DNAJC27: variants seen among roughly 807,000 people sequenced by gnomAD.
DNAJC27 encodes DnaJ heat shock protein family (Hsp40) member C27, also known as dnaJ homolog subfamily C member 27.
A neutral mutation model predicts 31.4 loss-of-function variants in DNAJC27; 25 were observed. That is an observed-to-expected ratio of 0.80 (90% CI 0.58 to 1.11). The LOEUF (loss-of-function observed/expected upper bound fraction) is 1.11, where lower values mean the gene tolerates loss of function less well. DNAJC27 is among the 50% of genes most tolerant of loss of function. DNAJC27 has a pLI of 0.00. For missense variants in DNAJC27, 356 were observed against 347.3 expected (o/e 1.02, Z -0.20); for synonymous variants, 106 against 112.7 (o/e 0.94, Z 0.37).
At chr2:24,959,048 A>G (rs1490778412) in intron 3 of DNAJC27, among the ~76,000 whole-genome samples, 1 of 152,226 alleles carries the variant, frequency 6.6e-6, no homozygotes, top group African/African-American at 2.4e-5. Flanking sequence ...GAAACCTAAG[A>G]AGCTATCCCC....
intron 5 of DNAJC27, among the ~76,000 whole-genome samples, chr2:24,953,016 G>T (rs569769167): frequency 5.7e-4 from 87 of 152,034 alleles, no homozygotes; most frequent in Non-Finnish European, 9.4e-4. Flanking sequence ...CTCCTGAGCA[G>T]CTGGGATTAC....
chr2:24,956,435 C>T (rs1665905776), intron 5 of DNAJC27, among the ~76,000 whole-genome samples: 1 of 152,148 alleles, frequency 6.6e-6, no homozygotes. Context: ...GCGCCTCCCT[C>T]TATTTCCTGC....
In DNAJC27 at chr2:24,957,952, T is replaced by C. The variant is rs1665948396; in HGVS notation, c.263A>G (p.Asp88Gly). ...ATAGACCAGTATCACACCCTGTGTG[T>C]CCTTGTAAAACTCATTTCGAACCTT... ...FYEVRNEFYK[D>G]TQGVILVYDV... Residue 88 changes from aspartate (D) to glycine (G), a missense_variant, in exon 4 of 7, where the codon GAC becomes GGC. By Grantham distance (94) the Asp-to-Gly change is moderately conservative. Transcript: ENST00000264711. 6.2e-7 allele frequency: 1 copy of C among 1,612,350 alleles called. No homozygotes were observed. The highest frequency in any genetic ancestry group is 1.7e-5 in the Admixed American group (1 of 59,600).
At chr2:24,953,909 C>A (rs1378649289) in intron 5 of DNAJC27, among the ~76,000 whole-genome samples, 1 of 152,154 alleles carries the variant, frequency 6.6e-6, no homozygotes, top group East Asian at 1.9e-4. Context: ...AGACTTCCTG[C>A]CATCAACTAC....
chr2:24,963,512 A>G, intron 2 of DNAJC27, 38 bp from the exon 3 acceptor site: 1 of 1,539,542 alleles, frequency 6.5e-7, no homozygotes, highest in Non-Finnish European at 9.0e-7. Flanking sequence ...AAAGAAAGTC[A>G]TGGTTTCTCC....
At chr2:24,960,479 C>A (rs973389280) in intron 3 of DNAJC27, among the ~76,000 whole-genome samples, 2 of 152,110 alleles carry the variant, frequency 1.3e-5, no homozygotes, top group African/African-American at 4.8e-5. Flanking sequence ...TAAATCAAAA[C>A]CTTTAAATGA....
At chr2:24,972,047 G>A (rs759500264), upstream of DNAJC27, 72 of 604,186 alleles carry the variant, frequency 1.2e-4, no homozygotes, top group Non-Finnish European at 1.7e-4. Flanking sequence ...CCGCTGCCTG[G>A]CAGCAGGCGC....
intron 3 of DNAJC27, 41 bp from the exon 4 acceptor site, chr2:24,958,015 GATGTT>G (rs781464483): frequency 2.5e-6 from 4 of 1,580,690 alleles, no homozygotes; most frequent in Non-Finnish European, 3.5e-6. Context: ...TAGTTTTTGT[GATGTT>G]ATAAGAATGT....
At chr2:24,950,589 G>A (rs114577122) in intron 6 of DNAJC27, among the ~76,000 whole-genome samples, 13,292 of 152,190 alleles carry the variant, frequency 0.087, 717 homozygotes, top group South Asian at 0.19. Context: ...GCTCACGCCC[G>A]TAATCCCAGT....
intron 1 of DNAJC27, among the ~76,000 whole-genome samples, chr2:24,968,781 G>A (rs911760575): frequency 1.3e-5 from 2 of 151,960 alleles, no homozygotes; most frequent in Non-Finnish European, 2.9e-5. Flanking sequence ...ATTTCCTTAC[G>A]TATCTGGGTT....
At chr2:24,962,221 G>GT (rs915729370) in intron 3 of DNAJC27, among the ~76,000 whole-genome samples, 1,775 of 17,032 alleles carry the variant, frequency 0.1, 13 homozygotes, top group Non-Finnish European at 0.18. Context: ...TTTTTCTTTT[G>GT]TTTTTTTTTG....
In DNAJC27 at chr2:24,967,223, T is replaced by C. The variant is rs369205432; in HGVS notation, c.158A>G (p.Tyr53Cys). 32 of 1,612,968 alleles carry C rather than the reference T, an allele frequency of 2.0e-5. No homozygotes were observed. The highest frequency in any genetic ancestry group is 1.6e-4 in the Middle Eastern group (1 of 6,082). Residue 53 changes from tyrosine (Y) to cysteine (C), a missense_variant, in exon 2 of 7, where the codon TAT becomes TGT. Tyr to Cys is a radical substitution (Grantham distance 194). Coordinates refer to ENST00000264711, the MANE Select transcript of DNAJC27 (RefSeq NM_016544.3). ...ACAATATACTTACTTTGTGACTCCA[T>C]AGTCAATTCCAATTGTTGCCAGGTA... ...SKYLATIGID[Y>C]GVTKVHVRDR... is the part of the protein sequence containing the mutation.
rs1665611464 is a variant in DNAJC27, at chr2:24,944,930, T to G, written c.*2686A>C. 1 of 152,674 alleles carries G rather than the reference T, an allele frequency of 6.5e-6. No homozygotes were observed. Among genetic ancestry groups the G allele is most frequent in the Non-Finnish European group, 1.5e-5 (1 of 68,046 alleles). 9.5% of individuals were successfully genotyped at this position (152,674 alleles called of 1,614,324 possible). ...CTTTAATAATAGCTATTCAAACTTT[T>G]TATTCTTTTTTGAAAAACAAGATTC... On this transcript the variant is annotated 3_prime_UTR_variant, in exon 7 of 7. Transcript: ENST00000264711.
intron 5 of DNAJC27, chr2:24,953,684 G>T: frequency 4.3e-6 from 1 of 233,476 alleles, no homozygotes; most frequent in Non-Finnish European, 7.0e-6. Flanking sequence ...ACGGATGTTT[G>T]CTAGTTGTGT....
intron 6 of DNAJC27, among the ~76,000 whole-genome samples, chr2:24,950,821 G>A (rs1159725294): frequency 1.3e-5 from 2 of 151,742 alleles, no homozygotes; most frequent in South Asian, 2.1e-4. Flanking sequence ...CACTCCAGCC[G>A]GGGTGATAAG....
At chr2:24,963,105 T>A in intron 3 of DNAJC27, 1 of 256,978 alleles carries the variant, frequency 3.9e-6, no homozygotes, top group Non-Finnish European at 7.4e-6. Flanking sequence ...AATGTAATTA[T>A]TTTTTTTTTC....
intron 6 of DNAJC27, among the ~76,000 whole-genome samples, chr2:24,948,957 A>G (rs1665706121): frequency 6.6e-6 from 1 of 152,158 alleles, no homozygotes; most frequent in African/African-American, 2.4e-5. Context: ...TCCAAGTCAG[A>G]TGGCCTTTGA....
At position 24,957,146 on chromosome 2, in the gene DNAJC27, C is replaced by G; in HGVS notation, c.425G>C (p.Arg142Pro). ...ACGTCCTTCACTTTCATCTACACAG[C>G]GATGTTTGGTACAATCAATCTGAAA... ...CANKIDCTKH[R>P]CVDESEGRLW... Residue 142 changes from arginine (R) to proline (P), a missense_variant, in exon 5 of 7, where the codon CGC (arginine) becomes CCC (proline). By Grantham distance (103) the Arg-to-Pro change is moderately radical. Transcript: ENST00000264711. The G allele has an allele frequency of 6.2e-7, 1 of 1,604,510 alleles. No homozygotes were observed. The highest frequency in any genetic ancestry group is 2.2e-5 in the East Asian group (1 of 44,640).
chr2:24,959,206 A>G (rs1324629261), intron 3 of DNAJC27, among the ~76,000 whole-genome samples: 2 of 152,106 alleles, frequency 1.3e-5, no homozygotes, highest in East Asian at 1.9e-4. Context: ...CTTGGCTCCC[A>G]TACATCACAT....
Sources: allele counts gnomAD v4.1 joint callset (sites outside exome capture counted in the v4.1 genomes callset), GRCh38; gene constraint gnomAD v4.1.1; transcripts MANE v1.5; gene names NCBI Gene and HGNC (gene_info 2026-07-23, HGNC 2026-07-21).